Variants in SNX33 observed in about 807,000 individuals in gnomAD.
SNX33 encodes sorting nexin 33, also known as sorting nexin-33.
A neutral mutation model predicts 38.8 loss-of-function variants in SNX33; 19 were observed. The observed-to-expected ratio is 0.49, with a 90% CI of 0.34 to 0.72. SNX33 has a LOEUF of 0.72. Among genes scored for constraint, SNX33 ranks in the 30% least tolerant of loss-of-function variants. SNX33 has a pLI of 0.01. For missense variants in SNX33, 641 were observed against 776.4 expected (o/e 0.83, Z 2.07); for synonymous variants, 246 against 289.7 (o/e 0.85, Z 1.53).
Position 75,657,279 on chromosome 15 carries a change from G to C in SNX33, c.*64G>C. On this transcript the variant is annotated 3_prime_UTR_variant, in exon 2 of 2. Transcript: ENST00000308527. The surrounding 1 kb of genome is among the most constrained non-coding windows in gnomAD (Gnocchi z 5.5). ...TCACTGCAGTGTACCCCACTTTCCC[G>C]ACCTCCCTATACCAGCAGTGACTGG... 1 of 1,597,130 alleles carries C rather than the reference G, an allele frequency of 6.3e-7. No homozygotes were observed. Among genetic ancestry groups the C allele is most frequent in the Non-Finnish European group, 8.5e-7 (1 of 1,170,784 alleles).
Position 75,650,698 on chromosome 15 carries a change from T to A in SNX33, c.1471+125T>A. 2 of 1,313,394 alleles carry A rather than the reference T, an allele frequency of 1.5e-6. No individual in the cohort carries two copies. The highest frequency in any genetic ancestry group is 1.5e-5 in the African/African-American group (1 of 67,158). The allele number at this position is 1,313,394 out of a possible 1,614,324, so 81.4% of individuals were successfully genotyped here. On this transcript the variant is annotated intron_variant, in intron 1 of 1. Transcript: ENST00000308527. The surrounding 1 kb of genome is among the most constrained non-coding windows in gnomAD (Gnocchi z 6.1). ...TATTTCTCTGTCTCAATCATTCATTTAACAAATGTGTTGGGCTGGGCACGG... is the reference window on the plus strand; with the variant it reads ...TATTTCTCTGTCTCAATCATTCATTAAACAAATGTGTTGGGCTGGGCACGG...
At chr15:75,656,808 C>T (rs1278216163) in intron 1 of SNX33, among the ~76,000 whole-genome samples, 154 bp from the exon 2 acceptor site, 1 of 152,162 alleles carries the variant, frequency 6.6e-6, no homozygotes, top group Admixed American at 6.5e-5. Flanking sequence ...TGGGTAACAT[C>T]CTGGCAGAGA....
chr15:75,661,570 TG>T lies in SNX33; in HGVS notation c.*4357del, dbSNP rs1893724694. 9 of 152,262 alleles carry T rather than the reference TG, an allele frequency of 5.9e-5. 1 individual carries two copies. 9.4% of individuals were successfully genotyped at this position (152,262 alleles called of 1,614,324 possible). A position where few individuals can be genotyped will look rare whatever the true frequency, so the allele number is the denominator to read the frequency against. ...TTCTTTTGGTTTGGTTTTGTTTTGT[TG>T]GTCAAACCCCAGTGCAGTGCAGTCT... is the stretch of plus-strand genomic sequence containing the variant. On this transcript the variant is annotated 3_prime_UTR_variant, in exon 2 of 2. Coordinates refer to ENST00000308527, the MANE Select transcript of SNX33 (RefSeq NM_153271.2). The surrounding 1 kb of genome is among the most constrained non-coding windows in gnomAD (Gnocchi z 4.5).
chr15:75,657,195 C>A lies in SNX33; in HGVS notation c.1705C>A (p.Arg569Ser), dbSNP rs750829627. The A allele has an allele frequency of 2.5e-6, 4 of 1,613,956 alleles. No individual in the cohort carries two copies. The highest frequency in any genetic ancestry group is 3.4e-6 in the Non-Finnish European group (4 of 1,179,998). ...RVGQQLEKTL[R>S]MYDNL ...GGGCCAGCAGCTGGAGAAGACCCTG[C>A]GCATGTATGACAACCTCTGACCGCG... Residue 569 changes from arginine to serine, a missense_variant, in exon 2 of 2, where the codon CGC (arginine) becomes AGC (serine). Arg to Ser is a moderately radical substitution (Grantham distance 110). Around this residue, in one of 2 missense-constraint regions of SNX33, gnomAD observed 398 missense variants for 542.5 expected, o/e 0.73. Transcript: ENST00000308527. This position sits in a 1 kb window ranked among gnomAD's most constrained non-coding sequence, Gnocchi z 5.5.
Position 75,650,463 on chromosome 15 carries a change from G to A in SNX33, c.1361G>A (p.Gly454Glu). 2 of 1,614,188 alleles carry A rather than the reference G, an allele frequency of 1.2e-6. No homozygotes were observed. Among genetic ancestry groups the A allele is most frequent in the Non-Finnish European group, 1.7e-6 (2 of 1,180,040 alleles). The change falls in exon 1 of 2, where the codon GGG becomes GAG. Residue 454 changes from glycine to glutamate, a missense_variant. This residue lies in a region of SNX33 where 398 missense variants were observed against 542.5 expected (regional missense o/e 0.73). Coordinates refer to ENST00000308527, the MANE Select transcript of SNX33 (RefSeq NM_153271.2). The surrounding 1 kb of genome is among the most constrained non-coding windows in gnomAD (Gnocchi z 6.1). ...SHTGRTYEAI[G>E]EMFAEQPKND... Reference sequence around the variant, plus strand: ...ACGGGCCGTACCTATGAAGCCATCGGGGAGATGTTTGCTGAGCAGCCCAAG... The same window carrying A: ...ACGGGCCGTACCTATGAAGCCATCGAGGAGATGTTTGCTGAGCAGCCCAAG...
rs1409099176 is a variant in SNX33 at position 75,657,075 on chromosome 15, G to T, written c.1585G>T (p.Ala529Ser). The T allele has an allele frequency of 6.2e-7, 1 of 1,614,188 alleles. No individual in the cohort carries two copies. The highest frequency in any genetic ancestry group is 8.5e-7 in the Non-Finnish European group (1 of 1,180,024). ...CCGCGTGGTGGGTTTCGCCCTGCAG[G>T]CCGAGATGAACCACTTCCACCAGCG... is the stretch of plus-strand genomic sequence containing the variant. ...RCRVVGFALQ[A>S]EMNHFHQRRE... Residue 529 changes from alanine (A) to serine (S), a missense_variant, in exon 2 of 2, where the codon GCC (alanine) becomes TCC (serine). Ala to Ser is a moderately conservative substitution (Grantham distance 99). Around this residue, in one of 2 missense-constraint regions of SNX33, gnomAD observed 398 missense variants for 542.5 expected, o/e 0.73. Transcript: ENST00000308527. This position sits in a 1 kb window ranked among gnomAD's most constrained non-coding sequence, Gnocchi z 5.5.
rs143802641 is a variant in SNX33 at position 75,649,714 on chromosome 15, G to A, written c.612G>A (p.Met204Ile). The A allele has an allele frequency of 3.5e-5, 54 of 1,545,998 alleles. 1 individual carries two copies. In the African/African-American group the frequency reaches 6.5e-4, roughly 19 times the overall value. ...CCTTCATCCTGGGTGATGTGCCCAT[G>A]ATGGCCAAGATCGCTGAGACATACT... is the stretch of plus-strand genomic sequence containing the variant. Reference protein sequence around the residue: ...VEAFILGDVPMMAKIAETYSI... With the variant: ...VEAFILGDVPIMAKIAETYSI... The change falls in exon 1 of 2, where the codon ATG becomes ATA. Residue 204 changes from methionine to isoleucine, a missense_variant. Met to Ile is a conservative substitution (Grantham distance 10, BLOSUM62 1). This residue lies in a region of SNX33 where 398 missense variants were observed against 542.5 expected (regional missense o/e 0.73). Transcript: ENST00000308527. This position sits in a 1 kb window ranked among gnomAD's most constrained non-coding sequence, Gnocchi z 6.6.
chr15:75,656,837 G>A (rs531236139), intron 1 of SNX33, 125 bp from the exon 2 acceptor site: 1 of 1,429,578 alleles, frequency 7.0e-7, no homozygotes, highest in African/African-American at 1.4e-5. Flanking sequence ...TGGCTGGAAT[G>A]TGGGTCTGGG....
chr15:75,653,427 G>A (rs1893608440), intron 1 of SNX33, among the ~76,000 whole-genome samples: 2 of 152,222 alleles, frequency 1.3e-5, no homozygotes, highest in Admixed American at 1.3e-4. Context: ...CAGCCAGCAA[G>A]AGCGGGGCTG....
At chr15:75,652,424 A>G (rs377067716) in intron 1 of SNX33, among the ~76,000 whole-genome samples, 656 of 152,282 alleles carry the variant, frequency 4.3e-3, no homozygotes, top group Non-Finnish European at 7.1e-3. Context: ...GGGGAATGCA[A>G]TGATTAAACA....
Position 75,648,102 on chromosome 15 carries a change from G to A in SNX33, c.-1001G>A, listed in dbSNP as rs900756270. Reference sequence around the variant, plus strand: ...CACTCTCCAAACTCCAAACTGTTGAGTGTGTGCGTGCACGCGAGGGTGGTG... The same window carrying A: ...CACTCTCCAAACTCCAAACTGTTGAATGTGTGCGTGCACGCGAGGGTGGTG... On this transcript the variant is annotated 5_prime_UTR_variant, in exon 1 of 2. It adds an upstream start codon to the 5' untranslated region. Transcript: ENST00000308527. This position sits in a 1 kb window ranked among gnomAD's most constrained non-coding sequence, Gnocchi z 4.4. 37 of 985,396 alleles carry A rather than the reference G, an allele frequency of 3.8e-5. No individual in the cohort carries two copies. Among genetic ancestry groups the A allele is most frequent in the East Asian group, 1.1e-4 (1 of 8,816 alleles). The allele number at this position is 985,396 out of a possible 1,614,324, so 61.0% of individuals were successfully genotyped here.
rs1339941611 is a variant in SNX33 at position 75,649,387 on chromosome 15, G to A, written c.285G>A (p.Arg95=). ...YNSPSVASPA[R]SGGGSGFLSN... ...GCCCCAGTGTGGCCAGCCCAGCTAG[G>A]AGTGGTGGGGGCAGTGGCTTCCTCT... Residue 95 remains arginine (R), a synonymous_variant, in exon 1 of 2, where the codon AGG becomes AGA. Transcript: ENST00000308527. The surrounding 1 kb of genome is among the most constrained non-coding windows in gnomAD (Gnocchi z 6.6). 2 of 1,549,870 alleles carry A rather than the reference G, an allele frequency of 1.3e-6. No homozygotes were observed. Among genetic ancestry groups the A allele is most frequent in the Admixed American group, 1.9e-5 (1 of 52,852 alleles).
chr15:75,657,072 C>T lies in SNX33; in HGVS notation c.1582C>T (p.Gln528Ter). ...CTGCCGCGTGGTGGGTTTCGCCCTG[C>T]AGGCCGAGATGAACCACTTCCACCA... The part of the protein sequence containing the change: ...RRCRVVGFAL[Q>*]AEMNHFHQRR... The change falls in exon 2 of 2, where the codon CAG (glutamine) becomes TAG (stop). Residue 528 changes from glutamine to a stop codon, truncating the protein, a stop_gained. Transcript: ENST00000308527. LOFTEE classifies it high-confidence loss of function. The surrounding 1 kb of genome is among the most constrained non-coding windows in gnomAD (Gnocchi z 5.5). The T allele has an allele frequency of 1.2e-6, 2 of 1,614,172 alleles. No individual in the cohort carries two copies. Among genetic ancestry groups the T allele is most frequent in the Non-Finnish European group, 1.7e-6 (2 of 1,180,018 alleles).
chr15:75,659,953 G>A lies in SNX33; in HGVS notation c.*2738G>A, dbSNP rs1390675853. On this transcript the variant is annotated 3_prime_UTR_variant, in exon 2 of 2. Transcript: ENST00000308527. Reference sequence around the variant, plus strand: ...TTTCTTTCTGCCTCTATGGGGGTGGGGGTATTGGGGGAACTTGGGGCCGTT... The same window carrying A: ...TTTCTTTCTGCCTCTATGGGGGTGGAGGTATTGGGGGAACTTGGGGCCGTT... The A allele has an allele frequency of 1.3e-5, 2 of 151,892 alleles. No individual in the cohort carries two copies. Among genetic ancestry groups the A allele is most frequent in the Non-Finnish European group, 2.9e-5 (2 of 68,032 alleles). The allele number at this position is 151,892 out of a possible 1,614,324, so 9.4% of individuals were successfully genotyped here. A position where few individuals can be genotyped will look rare whatever the true frequency, so the allele number is the denominator to read the frequency against.
At position 75,648,650 on chromosome 15, in the gene SNX33, G is replaced by T; in HGVS notation, c.-453G>T. Reference sequence around the variant, plus strand: ...AAAGAATCTGGGAGCCAGAGGGACAGCCGAGCCCTGCCCGGGTTTCTGGAA... The same window carrying T: ...AAAGAATCTGGGAGCCAGAGGGACATCCGAGCCCTGCCCGGGTTTCTGGAA... On this transcript the variant is annotated 5_prime_UTR_variant, in exon 1 of 2. Transcript: ENST00000308527. The surrounding 1 kb of genome is among the most constrained non-coding windows in gnomAD (Gnocchi z 4.4). The T allele has an allele frequency of 1.9e-6, 1 of 531,852 alleles. No individual in the cohort carries two copies. The highest frequency in any genetic ancestry group is 2.4e-6 in the Non-Finnish European group (1 of 416,356). 32.9% of individuals were successfully genotyped at this position (531,852 alleles called of 1,614,324 possible).
rs1893552676 is a variant in SNX33 at position 75,649,768 on chromosome 15, G to A, written c.666G>A (p.Gln222=). 2.6e-6 allele frequency: 4 copies of A among 1,522,862 alleles called. No homozygotes were observed. The highest frequency in any genetic ancestry group is 1.8e-4 in the Middle Eastern group (1 of 5,610). The allele number at this position is 1,522,862 out of a possible 1,614,324, so 94.3% of individuals were successfully genotyped here. Residue 222 remains glutamine, a synonymous_variant, in exon 1 of 2, where the codon CAG becomes CAA. Transcript: ENST00000308527. This position sits in a 1 kb window ranked among gnomAD's most constrained non-coding sequence, Gnocchi z 6.6. ...YSIEMGPRGP[Q]WKANPHPFAC... ...TTGAAATGGGCCCTCGTGGCCCCCAGTGGAAGGCCAATCCCCACCCATTTG... is the reference window on the plus strand; with the variant it reads ...TTGAAATGGGCCCTCGTGGCCCCCAATGGAAGGCCAATCCCCACCCATTTG...
rs370907944 is a variant in SNX33, at chr15:75,649,669, T to C, written c.567T>C (p.Phe189=). ...VGRNLNRFSC[F]VRSGVEAFIL... ...GTAACCTCAACCGTTTCTCATGCTTTGTGCGTTCTGGAGTGGAGGCCTTCA... is the reference window on the plus strand; with the variant it reads ...GTAACCTCAACCGTTTCTCATGCTTCGTGCGTTCTGGAGTGGAGGCCTTCA... Residue 189 remains phenylalanine (F), a synonymous_variant, in exon 1 of 2, where the codon TTT becomes TTC. Coordinates refer to ENST00000308527, the MANE Select transcript of SNX33 (RefSeq NM_153271.2). The surrounding 1 kb of genome is among the most constrained non-coding windows in gnomAD (Gnocchi z 6.6). The C allele has an allele frequency of 8.8e-5, 140 of 1,591,714 alleles. No homozygotes were observed. The highest frequency in any genetic ancestry group is 1.1e-4 in the Non-Finnish European group (129 of 1,166,712).
chr15:75,648,934 G>A lies in SNX33; in HGVS notation c.-169G>A. 2 of 753,642 alleles carry A rather than the reference G, an allele frequency of 2.7e-6. No homozygotes were observed. The highest frequency in any genetic ancestry group is 2.0e-6 in the Non-Finnish European group (1 of 498,174). The allele number at this position is 753,642 out of a possible 1,614,324, so 46.7% of individuals were successfully genotyped here. On this transcript the variant is annotated 5_prime_UTR_variant, in exon 1 of 2. Transcript: ENST00000308527. This position sits in a 1 kb window ranked among gnomAD's most constrained non-coding sequence, Gnocchi z 4.4. The stretch of plus-strand genomic sequence containing the variant: ...GGGCCATGGACATTGCTTTGAAGAG[G>A]GGGAGACTGGACAGCATCTGTGGGT...
chr15:75,647,989 C>T lies in SNX33; in HGVS notation c.-1114C>T. 1 of 985,348 alleles carries T rather than the reference C, an allele frequency of 1.0e-6. No individual in the cohort carries two copies. Among genetic ancestry groups the T allele is most frequent in the Non-Finnish European group, 1.2e-6 (1 of 829,904 alleles). The allele number at this position is 985,348 out of a possible 1,614,324, so 61.0% of individuals were successfully genotyped here. A position where few individuals can be genotyped will look rare whatever the true frequency, so the allele number is the denominator to read the frequency against. Reference sequence around the variant, plus strand: ...CGCCGGGGAAGGCAGGCTGGGGGCGCAGCCCGCCCCCCACTGGCCGGGCCC... The same window carrying T: ...CGCCGGGGAAGGCAGGCTGGGGGCGTAGCCCGCCCCCCACTGGCCGGGCCC... On this transcript the variant is annotated 5_prime_UTR_variant, in exon 1 of 2. Transcript: ENST00000308527.
Sources: gnomAD v4.1 joint callset for allele counts (sites outside exome capture counted in the v4.1 genomes callset) on GRCh38, gnomAD v4.1.1 for gene constraint, gnomAD v4.1.1 regional missense constraint, Gnocchi (gnomAD v3.1) non-coding constraint, MANE v1.5 for transcripts, NCBI Gene and HGNC (gene_info 2026-07-23, HGNC 2026-07-21) for gene names.